Variants in PALLD observed in about 807,000 individuals in gnomAD.
PALLD encodes palladin, cytoskeletal associated protein.
In PALLD, 61 loss-of-function variants were observed where a neutral mutation model predicts 123.5. That is an observed-to-expected ratio of 0.49 (90% CI 0.40 to 0.61). The LOEUF (loss-of-function observed/expected upper bound fraction) is 0.61, where lower values mean the gene tolerates loss of function less well. Ranked by LOEUF, PALLD falls within the 20% of genes least tolerant of loss-of-function variation. The probability of loss-of-function intolerance (pLI) is 0.00; values close to 1 mark genes in which losing one functional copy is unlikely to be tolerated. For missense variants in PALLD, 1,273 were observed against 1,377.0 expected, an observed-to-expected ratio of 0.92 and a Z score of 1.20; for synonymous variants, 465 against 496.4, an observed-to-expected ratio of 0.94 and a Z score of 0.84.
At chr4:168,505,217 T>C (rs1189965319) in intron 1 of PALLD, among the ~76,000 whole-genome samples, 1 of 152,200 alleles carries the variant, frequency 6.6e-6, no homozygotes, top group Non-Finnish European at 1.5e-5. Flanking sequence ...GAACCAGATA[T>C]GCCATAGAAC....
At chr4:168,734,216 C>CA (rs919866777) in intron 10 of PALLD, among the ~76,000 whole-genome samples, 16 of 151,318 alleles carry the variant, frequency 1.1e-4, no homozygotes, top group African/African-American at 3.4e-4. Flanking sequence ...ATTTGTTTCC[C>CA]AAAAAAATTT....
chr4:168,769,869 T>A (rs1260275786), intron 10 of PALLD, among the ~76,000 whole-genome samples: 2 of 152,236 alleles, frequency 1.3e-5, no homozygotes, highest in African/African-American at 2.4e-5. Context: ...TTTTTAGTTA[T>A]CTACAGATTG....
intron 2 of PALLD, among the ~76,000 whole-genome samples, chr4:168,628,514 C>T (rs2149818748): frequency 6.6e-6 from 1 of 152,306 alleles, no homozygotes; most frequent in East Asian, 1.9e-4. Flanking sequence ...ACGTGCTAGG[C>T]ATGGTCCCTC....
chr4:168,605,250 G>T (rs1359384003), intron 2 of PALLD, among the ~76,000 whole-genome samples: 1 of 87,132 alleles, frequency 1.1e-5, no homozygotes, highest in Non-Finnish European at 2.1e-5. Flanking sequence ...TCATTTGGGG[G>T]ATTAAAAAAA....
intron 2 of PALLD, among the ~76,000 whole-genome samples, chr4:168,624,584 T>C (rs2149805496): frequency 6.6e-6 from 1 of 152,242 alleles, no homozygotes; most frequent in East Asian, 1.9e-4. Context: ...AACATCATAC[T>C]AGACCTAATA....
At chr4:168,660,700 A>G (rs1561361869) in intron 2 of PALLD, among the ~76,000 whole-genome samples, 1 of 152,174 alleles carries the variant, frequency 6.6e-6, no homozygotes, top group Non-Finnish European at 1.5e-5. Flanking sequence ...TTACAGAACT[A>G]TAATGTTACA....
chr4:168,719,053 G>A (rs1437787769), intron 10 of PALLD, among the ~76,000 whole-genome samples: 6 of 145,814 alleles, frequency 4.1e-5, no homozygotes, highest in South Asian at 2.2e-4. Context: ...AATTATGGAC[G>A]TGTACCACAA....
rs1012479677 is a variant in PALLD at position 168,832,203 on chromosome 4, G to T, written c.1965-58719G>T. The T allele has an allele frequency of 5.3e-5, 52 of 985,202 alleles. No individual in the cohort carries two copies. In the Middle Eastern group the frequency reaches 1.5e-3, roughly 29 times the overall value. 61.0% of individuals were successfully genotyped at this position (985,202 alleles called of 1,614,324 possible). A position where few individuals can be genotyped will look rare whatever the true frequency, so the allele number is the denominator to read the frequency against. On this transcript the variant is annotated intron_variant, in intron 10 of 21. Transcript: ENST00000505667. ...GCGGGGAATCGGCCCTGAGGCTGGTGGAAGAAATGTGTGAATTAAAGGGAG... is the reference window on the plus strand; with the variant it reads ...GCGGGGAATCGGCCCTGAGGCTGGTTGAAGAAATGTGTGAATTAAAGGGAG...
chr4:168,825,869 G>T (rs1743349110), intron 10 of PALLD, among the ~76,000 whole-genome samples: 1 of 152,136 alleles, frequency 6.6e-6, no homozygotes, highest in Non-Finnish European at 1.5e-5. Flanking sequence ...AGTATTAAAA[G>T]AACAAGCTGA....
At chr4:168,750,609 G>T (rs928352021) in intron 10 of PALLD, among the ~76,000 whole-genome samples, 3 of 152,052 alleles carry the variant, frequency 2.0e-5, no homozygotes, top group Non-Finnish European at 2.9e-5. Flanking sequence ...TTGAAAAAAA[G>T]TCACTGACTA....
intron 2 of PALLD, among the ~76,000 whole-genome samples, chr4:168,540,073 G>T (rs78018527): frequency 0.015 from 2,338 of 152,044 alleles, 24 homozygotes; most frequent in Non-Finnish European, 0.021. Context: ...GACCTTAAAG[G>T]CACCTGAAGC....
chr4:168,623,397 T>C (rs1048675341), intron 2 of PALLD, among the ~76,000 whole-genome samples: 1 of 152,252 alleles, frequency 6.6e-6, no homozygotes, highest in Non-Finnish European at 1.5e-5. Context: ...AACATGTGGT[T>C]CATGAAATAT....
chr4:168,906,813 A>G (rs1333225794), intron 15 of PALLD, among the ~76,000 whole-genome samples: 2 of 152,294 alleles, frequency 1.3e-5, no homozygotes, highest in South Asian at 2.1e-4. Flanking sequence ...TAGAAAATAA[A>G]TGTAATCTTA....
chr4:168,725,049 T>C (rs1036019057), intron 10 of PALLD, among the ~76,000 whole-genome samples: 9 of 152,228 alleles, frequency 5.9e-5, no homozygotes, highest in African/African-American at 2.2e-4. Flanking sequence ...GTTATTTAAA[T>C]GTAATGATGT....
chr4:168,909,713 T>C (rs1039936038), intron 15 of PALLD, among the ~76,000 whole-genome samples: 1 of 152,212 alleles, frequency 6.6e-6, no homozygotes, highest in South Asian at 2.1e-4. Context: ...TAACTATGAT[T>C]ACCAGGGTTA....
chr4:168,848,733 C>A (rs1323764047), intron 10 of PALLD, among the ~76,000 whole-genome samples: 2 of 152,144 alleles, frequency 1.3e-5, no homozygotes, highest in African/African-American at 4.8e-5. Context: ...GTATTTCACA[C>A]CAAATAATGA....
intron 17 of PALLD, among the ~76,000 whole-genome samples, chr4:168,919,508 G>GAGC (rs1469683971): frequency 6.7e-6 from 1 of 149,194 alleles, no homozygotes. Context: ...CCTGGGCAAG[G>GAGC]AGCAAGACTG....
intron 10 of PALLD, among the ~76,000 whole-genome samples, chr4:168,767,595 TG>T (rs1400359585): frequency 6.6e-6 from 1 of 150,476 alleles, no homozygotes; most frequent in East Asian, 1.9e-4. Flanking sequence ...TTGCCCAGGC[TG>T]GCCTGCAGTG....
chr4:168,915,416 A>G (rs1305166126), intron 16 of PALLD, among the ~76,000 whole-genome samples: 1 of 152,244 alleles, frequency 6.6e-6, no homozygotes, highest in South Asian at 2.1e-4. Context: ...CTAATGCAAA[A>G]GAAAACTTGC....
Sources: allele counts gnomAD v4.1 joint callset (sites outside exome capture counted in the v4.1 genomes callset), GRCh38; gene constraint gnomAD v4.1.1; transcripts MANE v1.5; gene names NCBI Gene and HGNC (gene_info 2026-07-23, HGNC 2026-07-21).